C1orf21: variants seen among roughly 807,000 people sequenced by gnomAD.
C1orf21 encodes the protein chromosome 1 open reading frame 21.
In C1orf21, 3 loss-of-function variants were observed where a neutral mutation model predicts 18.7. The observed-to-expected ratio is 0.16, with a 90% CI of 0.07 to 0.42. C1orf21 has a LOEUF of 0.42. C1orf21 is among the 10% of genes least tolerant of loss of function. The probability of loss-of-function intolerance (pLI) is 0.99; values close to 1 mark genes in which losing one functional copy is unlikely to be tolerated. For synonymous variants in C1orf21, 41 were observed against 46.4 expected (o/e 0.88, Z 0.47); for missense variants, 104 against 143.6 (o/e 0.72, Z 1.41).
chr1:184,576,022 C>T (rs1659184572), intron 3 of C1orf21, among the ~76,000 whole-genome samples: 1 of 152,182 alleles, frequency 6.6e-6, no homozygotes, highest in South Asian at 2.1e-4. Flanking sequence ...TGCTTGACTC[C>T]CTGAATCCAG....
intron 1 of C1orf21, among the ~76,000 whole-genome samples, chr1:184,393,267 C>G (rs954062332): frequency 6.6e-6 from 1 of 152,216 alleles, no homozygotes; most frequent in Admixed American, 6.5e-5. Flanking sequence ...ATCTGCCTGA[C>G]AGTAGACTTC....
intron 3 of C1orf21, among the ~76,000 whole-genome samples, chr1:184,586,526 G>T (rs1169363835): frequency 6.6e-6 from 1 of 151,794 alleles, no homozygotes. Flanking sequence ...CTCGTGATCC[G>T]CCCGCCTCGG....
At chr1:184,617,265 A>G (rs1458958793) in intron 5 of C1orf21, among the ~76,000 whole-genome samples, 1 of 152,168 alleles carries the variant, frequency 6.6e-6, no homozygotes, top group Non-Finnish European at 1.5e-5. Context: ...GTACATATAT[A>G]CACTGGAGAT....
intron 1 of C1orf21, among the ~76,000 whole-genome samples, chr1:184,435,780 A>G (rs1276404188): frequency 6.6e-6 from 1 of 152,244 alleles, no homozygotes; most frequent in Non-Finnish European, 1.5e-5. Flanking sequence ...GAAAACTATC[A>G]GGGTGTGGTA....
At chr1:184,573,924 A>G (rs1490594897) in intron 3 of C1orf21, among the ~76,000 whole-genome samples, 1 of 152,162 alleles carries the variant, frequency 6.6e-6, no homozygotes, top group Non-Finnish European at 1.5e-5. Flanking sequence ...GCCGAGCACC[A>G]TGGCTCATGC....
At chr1:184,458,403 T>C (rs1657253064) in intron 1 of C1orf21, among the ~76,000 whole-genome samples, 1 of 152,192 alleles carries the variant, frequency 6.6e-6, no homozygotes. Flanking sequence ...CACAATCTCA[T>C]AGTTATTCTT....
Position 184,600,025 on chromosome 1 carries a change from T to C in C1orf21, c.327+1564T>C, listed in dbSNP as rs180990974. Among the ~76,000 whole-genome samples the C allele has an allele frequency of 2.8e-3, 427 of 152,210 alleles. 1 individual carries two copies. The highest frequency in any genetic ancestry group is 4.7e-3 in the Non-Finnish European group (319 of 68,000). On this transcript the variant is annotated intron_variant, in intron 5 of 5. Transcript: ENST00000235307. ...TTTTCTTCCTTTCTTTATTTGGACTTCCCCCCACTAGCTTTTTGGCAAGAA... is the reference window on the plus strand; with the variant it reads ...TTTTCTTCCTTTCTTTATTTGGACTCCCCCCCACTAGCTTTTTGGCAAGAA...
intron 2 of C1orf21, among the ~76,000 whole-genome samples, chr1:184,483,127 C>T (rs1657681634): frequency 6.6e-6 from 1 of 152,208 alleles, no homozygotes; most frequent in South Asian, 2.1e-4. Context: ...AGGTCAGATC[C>T]ACTTCAGAAG....
At chr1:184,509,110 G>T (rs975375866) in intron 3 of C1orf21, among the ~76,000 whole-genome samples, 1 of 152,128 alleles carries the variant, frequency 6.6e-6, no homozygotes, top group Non-Finnish European at 1.5e-5. Context: ...TCTGGCAGTG[G>T]TTTCTCCTTA....
At chr1:184,445,524 G>C (rs184848391) in intron 1 of C1orf21, among the ~76,000 whole-genome samples, 115 of 135,278 alleles carry the variant, frequency 8.5e-4, no homozygotes, top group Admixed American at 1.5e-3. Context: ...AAATTAAAAC[G>C]TGCTTTGTTT....
chr1:184,619,570 A>G lies in C1orf21; in HGVS notation c.*14A>G. On this transcript the variant is annotated 3_prime_UTR_variant, in exon 6 of 6. Coordinates refer to ENST00000235307, the MANE Select transcript of C1orf21 (RefSeq NM_030806.4). ...GATATCACATAGCACCAATTTTACC[A>G]CTCAAACCAGGAGCTACTACTGTGT... is the stretch of plus-strand genomic sequence containing the variant. 1 of 1,612,904 alleles carries G rather than the reference A, an allele frequency of 6.2e-7. No homozygotes were observed. The highest frequency in any genetic ancestry group is 8.5e-7 in the Non-Finnish European group (1 of 1,179,374).
chr1:184,608,842 G>A (rs1659688622), intron 5 of C1orf21, among the ~76,000 whole-genome samples: 1 of 152,176 alleles, frequency 6.6e-6, no homozygotes, highest in Admixed American at 6.5e-5. Flanking sequence ...CCCTAGAAGA[G>A]GAAGGAAGCC....
intron 3 of C1orf21, among the ~76,000 whole-genome samples, chr1:184,516,291 A>G (rs1658226633): frequency 8.4e-6 from 1 of 119,388 alleles, no homozygotes; most frequent in African/African-American, 3.8e-5. Context: ...ATTATATGAC[A>G]AAATTAAAAC....
intron 3 of C1orf21, among the ~76,000 whole-genome samples, chr1:184,566,194 C>T (rs569207701): frequency 6.6e-5 from 10 of 152,200 alleles, no homozygotes; most frequent in South Asian, 4.2e-4. Flanking sequence ...AGGAGCCCCA[C>T]GTTCTGCCGT....
At chr1:184,511,406 A>C (rs905981436) in intron 3 of C1orf21, among the ~76,000 whole-genome samples, 2 of 152,162 alleles carry the variant, frequency 1.3e-5, no homozygotes, top group African/African-American at 4.8e-5. Context: ...TCAGGGTACT[A>C]TGTGAAAATA....
intron 2 of C1orf21, among the ~76,000 whole-genome samples, chr1:184,480,018 TA>T (rs1190129082): frequency 6.6e-6 from 1 of 152,188 alleles, no homozygotes; most frequent in Non-Finnish European, 1.5e-5. Context: ...AAATAATCCA[TA>T]AACCTTGCCA....
At chr1:184,536,253 A>G (rs563979268) in intron 3 of C1orf21, among the ~76,000 whole-genome samples, 6 of 152,264 alleles carry the variant, frequency 3.9e-5, no homozygotes, top group Middle Eastern at 3.4e-3. Flanking sequence ...TCCACGTACA[A>G]TGTTGGCGTA....
At chr1:184,389,094 G>T (rs1198360444) in intron 1 of C1orf21, among the ~76,000 whole-genome samples, 3 of 152,180 alleles carry the variant, frequency 2.0e-5, no homozygotes, top group African/African-American at 7.2e-5. Flanking sequence ...CCAATGCTGG[G>T]ACTGGTACTT....
intron 3 of C1orf21, among the ~76,000 whole-genome samples, chr1:184,517,740 AAGAT>A (rs1243373277): frequency 6.6e-6 from 1 of 152,152 alleles, no homozygotes; most frequent in South Asian, 2.1e-4. Flanking sequence ...AACTAAAGTG[AAGAT>A]AGATAGTGAT....
Sources: gnomAD v4.1 joint callset for allele counts (sites outside exome capture counted in the v4.1 genomes callset) on GRCh38, gnomAD v4.1.1 for gene constraint, MANE v1.5 for transcripts, NCBI Gene and HGNC (gene_info 2026-07-23, HGNC 2026-07-21) for gene names.